Variants in CPEB2 observed in about 807,000 individuals in gnomAD.
CPEB2 encodes cytoplasmic polyadenylation element binding protein 2.
Under a neutral mutation model 93.6 loss-of-function variants are expected in CPEB2, and 56 were observed. The observed-to-expected ratio is 0.60, with a 90% CI of 0.48 to 0.75. The LOEUF is 0.75. Among genes scored for constraint, CPEB2 ranks in the 30% least tolerant of loss-of-function variants. CPEB2 has a pLI of 0.00. For synonymous variants in CPEB2, 764 were observed against 586.3 expected (o/e 1.30, Z -4.38); for missense variants, 1,579 against 1,395.1 (o/e 1.13, Z -2.10).
chr4:15,052,932 C>T (rs1318270818), intron 7 of CPEB2, among the ~76,000 whole-genome samples: 1 of 151,816 alleles, frequency 6.6e-6, no homozygotes, highest in Non-Finnish European at 1.5e-5. Flanking sequence ...TGTGCATGCA[C>T]ACATACACTG....
rs548768152 is a variant in CPEB2, at chr4:15,004,195, C to T, written c.1522C>T (p.Pro508Ser). The change falls in exon 1 of 12, where the codon CCT becomes TCT. Residue 508 changes from proline (P) to serine (S), a missense_variant. Physicochemically the swap from Pro to Ser is moderately conservative, Grantham distance 74. This residue lies in a region of CPEB2 where 1,411 missense variants were observed against 1,056.0 expected (regional missense o/e 1.34). Coordinates refer to ENST00000538197, the MANE Select transcript of CPEB2 (RefSeq NM_001177382.2). ...TCCGCCGCCGCCCGCCATGAATATA[C>T]CTCAACAGCAGCCCCCGCCGCCCGC... ...PPPPPPAMNI[P>S]QQQPPPPAAP... The T allele has an allele frequency of 3.8e-6, 5 of 1,317,888 alleles. No homozygotes were observed. In the South Asian group the frequency reaches 3.9e-5, roughly 10 times the overall value. 81.6% of individuals were successfully genotyped at this position (1,317,888 alleles called of 1,614,324 possible).
chr4:15,054,773 G>A (rs1043560222), intron 8 of CPEB2, among the ~76,000 whole-genome samples: 15 of 152,224 alleles, frequency 9.9e-5, no homozygotes, highest in African/African-American at 3.1e-4. Flanking sequence ...TCTGTGGGGA[G>A]AGGAAGTATA....
intron 6 of CPEB2, among the ~76,000 whole-genome samples, chr4:15,043,400 G>A (rs866404954): frequency 6.6e-6 from 1 of 152,172 alleles, no homozygotes; most frequent in African/African-American, 2.4e-5. Flanking sequence ...TAGCCATAAA[G>A]AGTTCTACTT....
intron 2 of CPEB2, among the ~76,000 whole-genome samples, chr4:15,007,871 A>G (rs1393824146): frequency 6.6e-6 from 1 of 152,198 alleles, no homozygotes; most frequent in Non-Finnish European, 1.5e-5. Flanking sequence ...CTCTTTAAGA[A>G]TGCTTTAATT....
rs1365499788 is a variant in CPEB2 at position 15,040,350 on chromosome 4, C to G, written c.2177-114C>G. On this transcript the variant is annotated intron_variant, in intron 5 of 11. Coordinates refer to ENST00000538197, the MANE Select transcript of CPEB2 (RefSeq NM_001177382.2). ...GGTGACATTGTCATTGCTCTTAAAA[C>G]AAAGTAGCACTAATTTTCAGATGCC... The G allele has an allele frequency of 5.5e-6, 5 of 913,600 alleles. No homozygotes were observed. The African/African-American group carries it at 8.2e-5, about 15-fold the overall frequency. 56.6% of individuals were successfully genotyped at this position (913,600 alleles called of 1,614,324 possible).
intron 3 of CPEB2, among the ~76,000 whole-genome samples, chr4:15,013,209 T>A (rs1723710576): frequency 6.6e-6 from 1 of 152,004 alleles, no homozygotes. Context: ...ATAAAAGAGG[T>A]TATGCCTTTT....
chr4:15,063,168 C>CTGTT (rs1392527183), intron 11 of CPEB2, among the ~76,000 whole-genome samples: 1 of 152,008 alleles, frequency 6.6e-6, no homozygotes, highest in Non-Finnish European at 1.5e-5. Flanking sequence ...TCTTCTGGGG[C>CTGTT]TGTTTGGCAC....
chr4:15,007,203 T>C (rs1722934235), intron 1 of CPEB2, 102 bp from the exon 2 acceptor site: 2 of 983,738 alleles, frequency 2.0e-6, no homozygotes, highest in Non-Finnish European at 2.8e-6. Context: ...CTTTTGCCTT[T>C]ATATATTTCA....
chr4:15,063,987 C>A (rs185745831), intron 11 of CPEB2: 1 of 152,208 alleles, frequency 6.6e-6, no homozygotes, highest in Non-Finnish European at 1.5e-5. Context: ...TTATACCTTT[C>A]ATCTCTCCAA....
intron 10 of CPEB2, among the ~76,000 whole-genome samples, chr4:15,059,753 G>C (rs1030251140): frequency 2.6e-4 from 40 of 151,982 alleles, no homozygotes; most frequent in African/African-American, 9.4e-4. Flanking sequence ...TCAATAACTA[G>C]GAACCAAAAA....
intron 4 of CPEB2, among the ~76,000 whole-genome samples, chr4:15,031,130 A>T (rs1296456371): frequency 1.3e-5 from 2 of 152,028 alleles, no homozygotes; most frequent in Non-Finnish European, 2.9e-5. Context: ...GAAATTGTAT[A>T]TTTGTGTCTA....
chr4:15,018,176 C>T (rs1724387570), intron 4 of CPEB2, among the ~76,000 whole-genome samples: 1 of 151,786 alleles, frequency 6.6e-6, no homozygotes, highest in Non-Finnish European at 1.5e-5. Flanking sequence ...AAATTTTCGC[C>T]ATTTTTAATT....
chr4:15,058,342 G>A, intron 8 of CPEB2, 79 bp from the exon 9 acceptor site: 1 of 713,744 alleles, frequency 1.4e-6, no homozygotes, highest in Non-Finnish European at 2.4e-6. Context: ...TCAAAAGCAT[G>A]TATTTTCTAA....
At chr4:15,018,108 T>C (rs554653135) in intron 4 of CPEB2, among the ~76,000 whole-genome samples, 1 of 151,980 alleles carries the variant, frequency 6.6e-6, no homozygotes, top group African/African-American at 2.4e-5. Context: ...AGGAGCAGCT[T>C]AACTATTTTA....
intron 5 of CPEB2, among the ~76,000 whole-genome samples, chr4:15,036,342 T>C (rs1057109743): frequency 1.8e-4 from 28 of 152,174 alleles, no homozygotes; most frequent in Admixed American, 5.9e-4. Flanking sequence ...ACTGTCACTA[T>C]TGAAGAATTC....
Position 15,003,975 on chromosome 4 carries a change from G to C in CPEB2, c.1302G>C (p.Ser434=), listed in dbSNP as rs373559194. The C allele has an allele frequency of 7.0e-7, 1 of 1,432,518 alleles. No individual in the cohort carries two copies. The highest frequency in any genetic ancestry group is 9.2e-7 in the Non-Finnish European group (1 of 1,088,838). The allele number at this position is 1,432,518 out of a possible 1,614,324, so 88.7% of individuals were successfully genotyped here. The change falls in exon 1 of 12, where the codon TCG becomes TCC. Residue 434 remains serine, a synonymous_variant. Coordinates refer to ENST00000538197, the MANE Select transcript of CPEB2 (RefSeq NM_001177382.2). ...ATTPGGGSGG[S]LSAMPPPSPD... ...CCCCGGGCGGCGGCAGCGGCGGCTC[G>C]CTCAGCGCCATGCCGCCGCCCAGCC...
chr4:15,033,767 T>C (rs1726349587), intron 5 of CPEB2, among the ~76,000 whole-genome samples: 1 of 152,190 alleles, frequency 6.6e-6, no homozygotes, highest in African/African-American at 2.4e-5. Flanking sequence ...TAGACAAACA[T>C]TAACATATTC....
At chr4:15,051,814 A>G (rs1728255235) in intron 6 of CPEB2, among the ~76,000 whole-genome samples, 1 of 152,210 alleles carries the variant, frequency 6.6e-6, no homozygotes, top group African/African-American at 2.4e-5. Context: ...TGTGCCCTAT[A>G]TAAGGATTAC....
chr4:15,066,576 C>T lies in CPEB2; in HGVS notation c.*196C>T. Reference sequence around the variant, plus strand: ...ACCAAAACCCTACATCTCAGGCTTACTAATTTTTGTGATATTTTCATGTTC... The same window carrying T: ...ACCAAAACCCTACATCTCAGGCTTATTAATTTTTGTGATATTTTCATGTTC... On this transcript the variant is annotated 3_prime_UTR_variant, in exon 12 of 12. Coordinates refer to ENST00000538197, the MANE Select transcript of CPEB2 (RefSeq NM_001177382.2). 1 of 522,986 alleles carries T rather than the reference C, an allele frequency of 1.9e-6. No individual in the cohort carries two copies. The highest frequency in any genetic ancestry group is 3.4e-6 in the Non-Finnish European group (1 of 295,958). 32.4% of individuals were successfully genotyped at this position (522,986 alleles called of 1,614,324 possible).
Sources: allele counts gnomAD v4.1 joint callset (sites outside exome capture counted in the v4.1 genomes callset), GRCh38; gene constraint gnomAD v4.1.1; regional missense constraint gnomAD v4.1.1; transcripts MANE v1.5; gene names NCBI Gene and HGNC (gene_info 2026-07-23, HGNC 2026-07-21).